Variants in PSD3 observed in about 807,000 individuals in gnomAD.
PSD3 encodes the protein PH and SEC7 domain-containing protein 3.
In PSD3, 49 loss-of-function variants were observed where a neutral mutation model predicts 105.5. That is an observed-to-expected ratio of 0.46 (90% confidence interval 0.37 to 0.59). The LOEUF (loss-of-function observed/expected upper bound fraction) is 0.59. PSD3 is among the 20% of genes least tolerant of loss of function. The probability of loss-of-function intolerance (pLI) is 0.00; values close to 1 mark genes in which losing one functional copy is unlikely to be tolerated. For missense variants in PSD3, 1,561 were observed against 1,263.8 expected, an observed-to-expected ratio of 1.24 and a Z score of -3.57; for synonymous variants, 557 against 457.8, an observed-to-expected ratio of 1.22 and a Z score of -2.77.
At chr8:19,072,160 G>A in intron 1 of PSD3, among the ~76,000 whole-genome samples, 1 of 150,500 alleles carries the variant, frequency 6.6e-6, no homozygotes. Flanking sequence ...AGAGTGCAGT[G>A]GCACGATCTC....
At chr8:18,676,380 G>A (rs540985397) in intron 9 of PSD3, among the ~76,000 whole-genome samples, 1 of 152,256 alleles carries the variant, frequency 6.6e-6, no homozygotes, top group South Asian at 2.1e-4. Flanking sequence ...TCTCCTTCAT[G>A]TATTTCTTTC....
intron 4 of PSD3, among the ~76,000 whole-genome samples, chr8:18,846,885 G>A (rs557262405): frequency 1.3e-5 from 2 of 152,196 alleles, no homozygotes; most frequent in East Asian, 3.9e-4. Flanking sequence ...TAAAGATGAG[G>A]TCAGCTCAGA....
intron 2 of PSD3, among the ~76,000 whole-genome samples, chr8:18,873,716 CA>C (rs1386208321): frequency 2.0e-5 from 3 of 152,078 alleles, no homozygotes. Flanking sequence ...ATCCTTTGAC[CA>C]GCACCTCCCC....
intron 1 of PSD3, among the ~76,000 whole-genome samples, chr8:18,961,279 A>G (rs1039362121): frequency 6.6e-6 from 1 of 152,248 alleles, no homozygotes; most frequent in East Asian, 1.9e-4. Flanking sequence ...TGACAACTCA[A>G]TACTTACGAG....
rs535772279 is a variant in PSD3 at position 19,019,870 on chromosome 8, T to A, written c.324+64336A>T. 8.5e-5 allele frequency among the ~76,000 whole-genome samples: 13 copies of A among 152,228 alleles called. No homozygotes were observed. The East Asian group carries it at 2.5e-3, about 29-fold the overall frequency. On this transcript the variant is annotated intron_variant, in intron 1 of 1. Transcript: ENST00000521475. ...AAGGAAAGAGCAGAAATGTGGTTCA[T>A]GTCCTTAGGGGTCGGAAGAGAATGG... is the stretch of plus-strand genomic sequence containing the variant.
intron 10 of PSD3, among the ~76,000 whole-genome samples, chr8:18,642,947 G>C (rs1205149965): frequency 6.6e-6 from 1 of 152,190 alleles, no homozygotes; most frequent in Non-Finnish European, 1.5e-5. Context: ...TAAATCTTAA[G>C]TGTGAGCTCA....
At chr8:18,752,589 T>C (rs1267056284) in intron 9 of PSD3, among the ~76,000 whole-genome samples, 10 of 84,730 alleles carry the variant, frequency 1.2e-4, no homozygotes, top group African/African-American at 6.3e-4. Flanking sequence ...ATATATATTA[T>C]ATATTATATA....
Position 18,533,919 on chromosome 8 carries a change from G to C in PSD3, c.*1824C>G, listed in dbSNP as rs1799727566. ...CCAAACAAGGCAGAGAGTTAAAAGTGAGGTTTTTTTTTTTACAGGTGTGGC... is the reference window on the plus strand; with the variant it reads ...CCAAACAAGGCAGAGAGTTAAAAGTCAGGTTTTTTTTTTTACAGGTGTGGC... On this transcript the variant is annotated 3_prime_UTR_variant, in exon 16 of 16. Coordinates refer to ENST00000327040, the MANE Select transcript of PSD3 (RefSeq NM_015310.4). 1 of 85,386 alleles carries C rather than the reference G, an allele frequency of 1.2e-5. No homozygotes were observed. The allele number at this position is 85,386 out of a possible 1,614,324, so 5.3% of individuals were successfully genotyped here.
intron 9 of PSD3, among the ~76,000 whole-genome samples, chr8:18,695,180 T>C (rs1016460487): frequency 6.6e-6 from 1 of 152,176 alleles, no homozygotes; most frequent in African/African-American, 2.4e-5. Context: ...AAAGGCCTGA[T>C]GAGAGCTAAT....
At chr8:18,598,640 T>A (rs1804215219) in intron 12 of PSD3, among the ~76,000 whole-genome samples, 1 of 152,096 alleles carries the variant, frequency 6.6e-6, no homozygotes, top group Non-Finnish European at 1.5e-5. Context: ...TTTCAAATGA[T>A]CTTATATGTA....
Position 18,531,463 on chromosome 8 carries a change from A to T in PSD3, c.*4280T>A, listed in dbSNP as rs1273918791. ...AAGGAATCTGAGAGAAAAATCAGTG[A>T]CAAAGCCCCTCTCTATTGCTATCAA... On this transcript the variant is annotated 3_prime_UTR_variant, in exon 16 of 16. Transcript: ENST00000327040. The T allele has an allele frequency of 1.2e-5, 1 of 85,100 alleles. No homozygotes were observed. The highest frequency in any genetic ancestry group is 2.8e-5 in the African/African-American group (1 of 35,412). The allele number at this position is 85,100 out of a possible 1,614,324, so 5.3% of individuals were successfully genotyped here. A position where few individuals can be genotyped will look rare whatever the true frequency, so the allele number is the denominator to read the frequency against.
chr8:18,655,589 T>A, intron 10 of PSD3, 53 bp downstream of exon 10: 1 of 1,518,344 alleles, frequency 6.6e-7, no homozygotes, highest in Non-Finnish European at 9.1e-7. Context: ...ATAAAGACAG[T>A]AGGAAAAAAG....
chr8:18,840,987 T>G (rs1454324690), intron 4 of PSD3, among the ~76,000 whole-genome samples: 1 of 152,132 alleles, frequency 6.6e-6, no homozygotes, highest in Non-Finnish European at 1.5e-5. Context: ...TCTACTACAG[T>G]CTACTACACT....
intron 15 of PSD3, among the ~76,000 whole-genome samples, chr8:18,547,995 AT>A (rs1277057743): frequency 6.6e-6 from 1 of 151,348 alleles, no homozygotes; most frequent in Non-Finnish European, 1.5e-5. Context: ...CTTCCTTTTC[AT>A]TCTTTTTCCT....
At position 18,846,169 on chromosome 8, in the gene PSD3, G is replaced by A. The variant is rs192091022; in HGVS notation, c.1634+21505C>T. On this transcript the variant is annotated intron_variant, in intron 4 of 15. Coordinates refer to ENST00000327040, the MANE Select transcript of PSD3 (RefSeq NM_015310.4). Reference sequence around the variant, plus strand: ...AAACATTCTTAATAAGCCATTTAACGCATGTGTTTGACCGTATCAGTAGCA... The same window carrying A: ...AAACATTCTTAATAAGCCATTTAACACATGTGTTTGACCGTATCAGTAGCA... Among the ~76,000 whole-genome samples, 34 of 152,234 alleles carry A rather than the reference G, an allele frequency of 2.2e-4. No homozygotes were observed. In the East Asian group the frequency reaches 4.4e-3, roughly 20 times the overall value.
rs146551763 is a variant in PSD3, at chr8:18,619,815, A to G, written c.2410+12798T>C. Among the ~76,000 whole-genome samples the G allele has an allele frequency of 1.2e-4, 18 of 152,248 alleles. No homozygotes were observed. The East Asian group carries it at 3.5e-3, about 29-fold the overall frequency. ...GACAGCAGACCCTGAAAGCAATCAC[A>G]ATATTTTACCCCAAAATAAATTTCT... On this transcript the variant is annotated intron_variant, in intron 11 of 15. Transcript: ENST00000327040.
intron 1 of PSD3, among the ~76,000 whole-genome samples, chr8:18,956,219 G>C (rs1403246730): frequency 6.6e-6 from 1 of 152,182 alleles, no homozygotes; most frequent in Non-Finnish European, 1.5e-5. Context: ...GGCCCGTTCA[G>C]CAGATTGTAT....
At chr8:18,935,681 G>T (rs1166278311) in intron 2 of PSD3, among the ~76,000 whole-genome samples, 1 of 130,790 alleles carries the variant, frequency 7.6e-6, no homozygotes, top group African/African-American at 3.1e-5. Flanking sequence ...GGATGACAGA[G>T]CAAGACTTTG....
intron 9 of PSD3, among the ~76,000 whole-genome samples, chr8:18,752,622 ATAT>A (rs1322141735): frequency 5.6e-4 from 49 of 86,952 alleles, no homozygotes; most frequent in African/African-American, 2.4e-3. Context: ...CATATAATAT[ATAT>A]TATATATAAT....
Sources: gnomAD v4.1 joint callset for allele counts (sites outside exome capture counted in the v4.1 genomes callset) on GRCh38, gnomAD v4.1.1 for gene constraint, MANE v1.5 for transcripts, NCBI Gene and HGNC (gene_info 2026-07-23, HGNC 2026-07-21) for gene names.